The following CDC45 variants were observed in gnomAD, a reference collection of about 807,000 sequenced individuals.
CDC45 encodes cell division cycle 45, also known as cell division control protein 45 homolog.
A neutral mutation model predicts 77.8 loss-of-function variants in CDC45; 54 were observed. The observed-to-expected ratio is 0.69, with a 90% CI of 0.56 to 0.87. CDC45 has a LOEUF of 0.87. CDC45 is among the 40% of genes least tolerant of loss of function. The pLI, the probability that CDC45 is intolerant of heterozygous loss-of-function variation, is 0.00. For synonymous variants in CDC45, 260 were observed against 272.1 expected (o/e 0.96, Z 0.44); for missense variants, 649 against 721.6 (o/e 0.90, Z 1.15).
intron 5 of CDC45, among the ~76,000 whole-genome samples, chr22:19,487,359 A>G (rs1252978935): frequency 6.6e-6 from 1 of 151,320 alleles, no homozygotes; most frequent in Non-Finnish European, 1.5e-5. Context: ...CTGTCTCTAC[A>G]GAAAAATAAA....
chr22:19,488,951 G>A (rs941355846), intron 5 of CDC45, among the ~76,000 whole-genome samples: 5 of 152,110 alleles, frequency 3.3e-5, no homozygotes, highest in Admixed American at 2.0e-4. Context: ...TAAGGCAGGC[G>A]GATCACTTGA....
chr22:19,482,935 G>A (rs1311936870), intron 4 of CDC45, 108 bp downstream of exon 4: 2 of 925,706 alleles, frequency 2.2e-6, no homozygotes, highest in Non-Finnish European at 1.7e-6. Flanking sequence ...GTGGGACTGG[G>A]AACAGCCTGA....
intron 5 of CDC45, among the ~76,000 whole-genome samples, chr22:19,485,491 G>A (rs930074174): frequency 2.0e-5 from 3 of 152,312 alleles, no homozygotes; most frequent in Non-Finnish European, 4.4e-5. Context: ...CTCTGAGGTG[G>A]GAAGGAAAGT....
chr22:19,488,270 T>A (rs1336066081), intron 5 of CDC45, among the ~76,000 whole-genome samples: 2 of 152,272 alleles, frequency 1.3e-5, no homozygotes, highest in Admixed American at 6.5e-5. Flanking sequence ...CTTTTCCTTA[T>A]GCTCATGGAT....
In CDC45 at chr22:19,514,755, C is replaced by A. The variant is rs1933687496; in HGVS notation, c.1224C>A (p.Asn408Lys). The change falls in exon 14 of 19, where the codon AAC (asparagine) becomes AAA (lysine). Residue 408 changes from asparagine to lysine, a missense_variant. Coordinates refer to ENST00000263201, the MANE Select transcript of CDC45 (RefSeq NM_003504.5). ...TGTGTCTGCCCTGTTACAGGAGTAA[C>A]CTGGACAAGCTGTACCATGGCCTGG... The part of the protein sequence containing the change: ...IQALDSLSRS[N>K]LDKLYHGLEL... The A allele has an allele frequency of 6.2e-7, 1 of 1,608,318 alleles. No homozygotes were observed. The highest frequency in any genetic ancestry group is 1.3e-5 in the African/African-American group (1 of 74,832).
At chr22:19,497,918 A>G (rs1165894779) in intron 8 of CDC45, among the ~76,000 whole-genome samples, 1 of 152,124 alleles carries the variant, frequency 6.6e-6, no homozygotes, top group South Asian at 2.1e-4. Flanking sequence ...TTGTCTGGGC[A>G]TGGTGGCTCA....
rs13447204 is a variant in CDC45 at position 19,484,060 on chromosome 22, G to A, written c.486+55G>A. 5,510 of 1,531,480 alleles carry A rather than the reference G, an allele frequency of 3.6e-3. 180 individuals carry two copies. In the East Asian group the frequency reaches 0.077, roughly 21 times the overall value. 94.9% of individuals were successfully genotyped at this position (1,531,480 alleles called of 1,614,324 possible). A position where few individuals can be genotyped will look rare whatever the true frequency, so the allele number is the denominator to read the frequency against. On this transcript the variant is annotated intron_variant, in intron 5 of 18. Transcript: ENST00000263201. ...GAGGAACTTGCACTCCCAGAGGTCG[G>A]AGGTCATCCTGAAGCCTGCCAGGCC...
chr22:19,483,443 G>T (rs540284759), intron 4 of CDC45, among the ~76,000 whole-genome samples: 1 of 152,108 alleles, frequency 6.6e-6, no homozygotes, highest in East Asian at 1.9e-4. Flanking sequence ...AAAAAAAAAA[G>T]AAAAGAAAAA....
chr22:19,508,380 G>A (rs112488717), intron 12 of CDC45, 150 bp from the exon 13 acceptor site: 8 of 813,368 alleles, frequency 9.8e-6, no homozygotes, highest in East Asian at 7.7e-5. Context: ...ATGTCTGGAC[G>A]TTCTGACCTG....
Position 19,479,981 on chromosome 22 carries a change from G to A in CDC45, c.13G>A (p.Asp5Asn). 1 of 1,613,804 alleles carries A rather than the reference G, an allele frequency of 6.2e-7. No homozygotes were observed. Among genetic ancestry groups the A allele is most frequent in the Non-Finnish European group, 8.5e-7 (1 of 1,180,028 alleles). MFVS[D>N]FRKEFYEVVQ... ...GGCCGCCGTGGCTATGTTCGTGTCC[G>A]ATTTCCGCAAAGAGTTCTACGAGGT... The change falls in exon 1 of 19, where the codon GAT (aspartate) becomes AAT (asparagine). Residue 5 changes from aspartate to asparagine, a missense_variant. Transcript: ENST00000263201.
chr22:19,516,792 C>G (rs1322044470), intron 16 of CDC45, 25 bp from the exon 17 acceptor site: 1 of 1,611,392 alleles, frequency 6.2e-7, no homozygotes, highest in Non-Finnish European at 8.5e-7. Flanking sequence ...CCGCCTGGCC[C>G]CCGACATGTC....
chr22:19,483,041 C>G (rs931918481), intron 4 of CDC45, among the ~76,000 whole-genome samples: 13 of 151,902 alleles, frequency 8.6e-5, no homozygotes, highest in African/African-American at 2.9e-4. Flanking sequence ...CCTCAAACTC[C>G]TGGGTTCAAC....
rs763662974 is a variant in CDC45, at chr22:19,494,390, T to A, written c.542+8T>A. On this transcript the variant is annotated splice_region_variant and intron_variant, in intron 6 of 18. Coordinates refer to ENST00000263201, the MANE Select transcript of CDC45 (RefSeq NM_003504.5). Reference sequence around the variant, plus strand: ...AGAGTGGGAGGCCCGGAGGTGAGTCTGTGCTTCCAGCTGCTCCCAGCACCA... The same window carrying A: ...AGAGTGGGAGGCCCGGAGGTGAGTCAGTGCTTCCAGCTGCTCCCAGCACCA... 1.6e-5 allele frequency: 26 copies of A among 1,613,376 alleles called. No homozygotes were observed. The highest frequency in any genetic ancestry group is 2.2e-5 in the Non-Finnish European group (26 of 1,179,800).
At chr22:19,505,166 C>G (rs1343205577) in intron 9 of CDC45, 196 bp from the exon 10 acceptor site, 1 of 615,426 alleles carries the variant, frequency 1.6e-6, no homozygotes, top group Non-Finnish European at 2.8e-6. Flanking sequence ...GACCACACCC[C>G]CCCGCTCCAT....
At chr22:19,518,098 C>T (rs953795026) in intron 17 of CDC45, among the ~76,000 whole-genome samples, 4 of 152,234 alleles carry the variant, frequency 2.6e-5, no homozygotes, top group Admixed American at 6.5e-5. Flanking sequence ...CCCCTGCTAA[C>T]TCTTTTGTGC....
At chr22:19,515,100 C>T in intron 15 of CDC45, 52 bp downstream of exon 15, 1 of 1,502,040 alleles carries the variant, frequency 6.7e-7, no homozygotes, top group East Asian at 2.3e-5. Flanking sequence ...GCTTGGAGAG[C>T]TCCCTGGATG....
chr22:19,503,214 T>C (rs1031455213), intron 9 of CDC45, among the ~76,000 whole-genome samples: 2 of 152,172 alleles, frequency 1.3e-5, no homozygotes, highest in African/African-American at 4.8e-5. Flanking sequence ...TCCACAGGAA[T>C]TTCTTCTTTT....
chr22:19,500,385 C>T (rs532758296), intron 9 of CDC45, among the ~76,000 whole-genome samples: 2 of 152,252 alleles, frequency 1.3e-5, no homozygotes, highest in South Asian at 4.1e-4. Flanking sequence ...GCTCGCAGCA[C>T]ATCAGCATCA....
At chr22:19,509,814 A>T (rs1358470489) in intron 13 of CDC45, among the ~76,000 whole-genome samples, 1 of 152,164 alleles carries the variant, frequency 6.6e-6, no homozygotes, top group East Asian at 1.9e-4. Context: ...AGTGGTAAAG[A>T]TGCATATGTA....
Sources: allele counts gnomAD v4.1 joint callset (sites outside exome capture counted in the v4.1 genomes callset), GRCh38; gene constraint gnomAD v4.1.1; transcripts MANE v1.5; gene names NCBI Gene and HGNC (gene_info 2026-07-23, HGNC 2026-07-21).